WNT7A: variants seen among roughly 807,000 people sequenced by gnomAD.
The protein encoded by WNT7A is protein Wnt-7a.
In WNT7A, 16 loss-of-function variants were observed where a neutral mutation model predicts 28.2. The observed-to-expected ratio is 0.57, with a 90% CI of 0.38 to 0.86. WNT7A has a LOEUF of 0.86. Among genes scored for constraint, WNT7A ranks in the 40% least tolerant of loss-of-function variants. The pLI is 0.00. For missense variants in WNT7A, 411 were observed against 489.7 expected, an observed-to-expected ratio of 0.84 and a Z score of 1.52; for synonymous variants, 190 against 195.9, an observed-to-expected ratio of 0.97 and a Z score of 0.25.
chr3:13,876,868 A>G (rs1183760120), intron 1 of WNT7A: 4 of 152,116 alleles, frequency 2.6e-5, no homozygotes, highest in Non-Finnish European at 5.9e-5. Context: ...CCTACCCCTA[A>G]TAAATTCCCA....
rs1042852531 is a variant in WNT7A, at chr3:13,824,954, A to T, written c.571-5531T>A. Among the ~76,000 whole-genome samples the T allele has an allele frequency of 2.0e-5, 3 of 152,220 alleles. No homozygotes were observed. In the East Asian group the frequency reaches 5.8e-4, roughly 29 times the overall value. On this transcript the variant is annotated intron_variant, in intron 3 of 3. Transcript: ENST00000285018. ...TTGGAATGCCCTATAGCTGCTAAAGAGAATGAAATGGCTCTTACTCACTAA... is the reference window on the plus strand; with the variant it reads ...TTGGAATGCCCTATAGCTGCTAAAGTGAATGAAATGGCTCTTACTCACTAA...
At position 13,879,908 on chromosome 3, in the gene WNT7A, C is replaced by A; in HGVS notation, c.-92G>T. 9.0e-7 allele frequency: 1 copy of A among 1,108,026 alleles called. No individual in the cohort carries two copies. The highest frequency in any genetic ancestry group is 3.3e-5 in the South Asian group (1 of 30,082). 68.6% of individuals were successfully genotyped at this position (1,108,026 alleles called of 1,614,324 possible). On this transcript the variant is annotated 5_prime_UTR_variant, in exon 1 of 4. Transcript: ENST00000285018. ...CAATCAACATAGCCCGCCCGGGAGG[C>A]GCGAGCCGAGGCGTCCCCGGGGCCG...
chr3:13,869,115 AG>A (rs907814083), intron 2 of WNT7A, among the ~76,000 whole-genome samples: 1 of 148,174 alleles, frequency 6.7e-6, no homozygotes, highest in Admixed American at 6.7e-5. Context: ...AGGGAGAGAG[AG>A]GGAGGGAGGA....
rs150669953 is a variant in WNT7A at position 13,838,799 on chromosome 3, G to A, written c.570+15733C>T. Among the ~76,000 whole-genome samples, 436 of 152,264 alleles carry A rather than the reference G, an allele frequency of 2.9e-3. 2 individuals are homozygous for A. Among genetic ancestry groups the A allele is most frequent in the African/African-American group, 2.7e-3 (113 of 41,552 alleles). On this transcript the variant is annotated intron_variant, in intron 3 of 3. Coordinates refer to ENST00000285018, the MANE Select transcript of WNT7A (RefSeq NM_004625.4). ...TGGAGTGGACTTTCCAGAAGGTAGCGAGCTCCCTATCACCAGGGTACTCAA... is the reference window on the plus strand; with the variant it reads ...TGGAGTGGACTTTCCAGAAGGTAGCAAGCTCCCTATCACCAGGGTACTCAA...
chr3:13,861,218 C>G (rs1279741992), intron 2 of WNT7A, among the ~76,000 whole-genome samples: 1 of 152,228 alleles, frequency 6.6e-6, no homozygotes, highest in African/African-American at 2.4e-5. Context: ...GCCACCATGG[C>G]CTGTGTGCCC....
chr3:13,841,814 A>G (rs1202428605), intron 3 of WNT7A, among the ~76,000 whole-genome samples: 1 of 152,200 alleles, frequency 6.6e-6, no homozygotes, highest in African/African-American at 2.4e-5. Context: ...TGCTACACAG[A>G]AAAACAAAAC....
At chr3:13,835,818 A>G (rs571474569) in intron 3 of WNT7A, among the ~76,000 whole-genome samples, 3 of 152,388 alleles carry the variant, frequency 2.0e-5, no homozygotes, top group East Asian at 3.9e-4. Flanking sequence ...TTGTCTTTCC[A>G]TACAATGAAA....
At chr3:13,829,211 G>C (rs1421831356) in intron 3 of WNT7A, among the ~76,000 whole-genome samples, 1 of 152,120 alleles carries the variant, frequency 6.6e-6, no homozygotes, top group Non-Finnish European at 1.5e-5. Context: ...AAAAGAGCTG[G>C]GGCCCAAGAA....
Position 13,879,909 on chromosome 3 carries a change from G to T in WNT7A, c.-93C>A. Reference sequence around the variant, plus strand: ...AATCAACATAGCCCGCCCGGGAGGCGCGAGCCGAGGCGTCCCCGGGGCCGT... The same window carrying T: ...AATCAACATAGCCCGCCCGGGAGGCTCGAGCCGAGGCGTCCCCGGGGCCGT... On this transcript the variant is annotated 5_prime_UTR_variant, in exon 1 of 4. Coordinates refer to ENST00000285018, the MANE Select transcript of WNT7A (RefSeq NM_004625.4). 1 of 996,602 alleles carries T rather than the reference G, an allele frequency of 1.0e-6. No homozygotes were observed. The highest frequency in any genetic ancestry group is 1.3e-6 in the Non-Finnish European group (1 of 752,218). The allele number at this position is 996,602 out of a possible 1,614,324, so 61.7% of individuals were successfully genotyped here.
At chr3:13,878,061 T>G (rs1255213408) in intron 1 of WNT7A, among the ~76,000 whole-genome samples, 1 of 152,114 alleles carries the variant, frequency 6.6e-6, no homozygotes, top group East Asian at 1.9e-4. Context: ...CTCTCCGACC[T>G]GGACCTCTCC....
At chr3:13,862,255 C>A (rs927593593) in intron 2 of WNT7A, among the ~76,000 whole-genome samples, 1 of 152,202 alleles carries the variant, frequency 6.6e-6, no homozygotes, top group African/African-American at 2.4e-5. Flanking sequence ...CAGCTGACGC[C>A]CTCTGTGGTT....
chr3:13,819,211 G>A lies in WNT7A; in HGVS notation c.783C>T (p.Arg261=), dbSNP rs1242034059. 1 of 1,614,124 alleles carries A rather than the reference G, an allele frequency of 6.2e-7. No homozygotes were observed. The highest frequency in any genetic ancestry group is 8.5e-7 in the Non-Finnish European group (1 of 1,180,046). Residue 261 remains arginine, a synonymous_variant, in exon 4 of 4, where the codon CGC becomes CGT. Coordinates refer to ENST00000285018, the MANE Select transcript of WNT7A (RefSeq NM_004625.4). ...ACACCAGGTCCGTGTCCATGGGCTT[G>A]CGGTACGACAGTGGCTTCTTGATCT... The part of the protein sequence containing the change: ...FLKIKKPLSY[R]KPMDTDLVYI...
At chr3:13,836,237 G>A (rs1289547754) in intron 3 of WNT7A, among the ~76,000 whole-genome samples, 1 of 151,502 alleles carries the variant, frequency 6.6e-6, no homozygotes, top group African/African-American at 2.4e-5. Context: ...AGACCCCATT[G>A]GGCCAGTGTC....
intron 2 of WNT7A, among the ~76,000 whole-genome samples, chr3:13,874,492 C>A (rs1168850833): frequency 6.6e-6 from 1 of 152,082 alleles, no homozygotes; most frequent in African/African-American, 2.4e-5. Flanking sequence ...GTGGGGACTG[C>A]GGCAGTGAAT....
chr3:13,830,837 T>C (rs1324909554), intron 3 of WNT7A, among the ~76,000 whole-genome samples: 1 of 152,166 alleles, frequency 6.6e-6, no homozygotes, highest in Non-Finnish European at 1.5e-5. Flanking sequence ...GTAGTCATCC[T>C]TTACCTAAAC....
chr3:13,874,683 A>G (rs924157819), intron 2 of WNT7A, among the ~76,000 whole-genome samples: 25 of 152,164 alleles, frequency 1.6e-4, no homozygotes, highest in Non-Finnish European at 3.4e-4. Flanking sequence ...TCAAAACACA[A>G]CACCAGCACT....
chr3:13,828,479 C>T (rs1448134590), intron 3 of WNT7A, among the ~76,000 whole-genome samples: 2 of 152,198 alleles, frequency 1.3e-5, no homozygotes, highest in Non-Finnish European at 2.9e-5. Flanking sequence ...GGTTTCTACC[C>T]ATTACAACTT....
intron 3 of WNT7A, among the ~76,000 whole-genome samples, chr3:13,843,150 C>T (rs1477226973): frequency 6.6e-6 from 1 of 152,090 alleles, no homozygotes; most frequent in African/African-American, 2.4e-5. Context: ...CTACAGCCAG[C>T]GAATGGACAA....
intron 3 of WNT7A, among the ~76,000 whole-genome samples, chr3:13,849,152 G>C (rs763777545): frequency 1.6e-4 from 25 of 152,200 alleles, no homozygotes; most frequent in Non-Finnish European, 3.5e-4. Context: ...TCTGCATCTT[G>C]ACTGTCCTAG....
Sources: gnomAD v4.1 joint callset for allele counts (sites outside exome capture counted in the v4.1 genomes callset) on GRCh38, gnomAD v4.1.1 for gene constraint, MANE v1.5 for transcripts, NCBI Gene and HGNC (gene_info 2026-07-23, HGNC 2026-07-21) for gene names.